Variants in CSRP1 observed in about 807,000 individuals in gnomAD.
CSRP1 encodes cysteine and glycine-rich protein 1.
In CSRP1, 16 loss-of-function variants were observed where a neutral mutation model predicts 25.4. That is an observed-to-expected ratio of 0.63 (90% confidence interval 0.43 to 0.96). CSRP1 has a LOEUF of 0.96. Ranked by LOEUF, CSRP1 falls within the 40% of genes least tolerant of loss-of-function variation. The probability of loss-of-function intolerance (pLI) is 0.00; values close to 1 mark genes in which losing one functional copy is unlikely to be tolerated. For missense variants in CSRP1, 212 were observed against 243.6 expected (o/e 0.87, Z 0.86); for synonymous variants, 97 against 95.3 (o/e 1.02, Z -0.10).
intron 1 of CSRP1, among the ~76,000 whole-genome samples, chr1:201,502,028 T>TAAATAA (rs1553232871): frequency 7.2e-6 from 1 of 139,842 alleles, no homozygotes; most frequent in East Asian, 2.0e-4. Context: ...AATAAATAAA[T>TAAATAA]AAAGTCTGGC....
At chr1:201,502,575 A>C (rs866575133) in intron 1 of CSRP1, among the ~76,000 whole-genome samples, 1 of 152,118 alleles carries the variant, frequency 6.6e-6, no homozygotes, top group Non-Finnish European at 1.5e-5. Flanking sequence ...GTCCCACCTC[A>C]TGTTTCCTTC....
At chr1:201,485,230 C>A (rs376466470) in intron 5 of CSRP1, 53 bp downstream of exon 5, 8 of 1,520,774 alleles carry the variant, frequency 5.3e-6, no homozygotes, top group African/African-American at 1.4e-5. Flanking sequence ...AACTACTTAG[C>A]CCCCCTACCC....
At chr1:201,492,270 C>T (rs1664360877) in intron 2 of CSRP1, 1 of 152,298 alleles carries the variant, frequency 6.6e-6, no homozygotes, top group African/African-American at 2.4e-5. Flanking sequence ...CAGGGCAGAC[C>T]TCAGGGCCTG....
At chr1:201,489,630 C>T (rs932691087) in intron 3 of CSRP1, 6 of 155,446 alleles carry the variant, frequency 3.9e-5, no homozygotes, top group African/African-American at 1.4e-4. Flanking sequence ...AGCCGTGGGA[C>T]CCCAGGCAAG....
chr1:201,491,275 A>AAAAT (rs1303971001), intron 2 of CSRP1: 3 of 152,292 alleles, frequency 2.0e-5, no homozygotes, highest in Admixed American at 6.5e-5. Context: ...TATTTATTTA[A>AAAAT]AAATAAATAA....
At position 201,484,301 on chromosome 1, in the gene CSRP1, C is replaced by T. The variant is rs1389964425; in HGVS notation, c.*412G>A. 3 of 512,560 alleles carry T rather than the reference C, an allele frequency of 5.9e-6. No homozygotes were observed. The South Asian group carries it at 1.0e-4, about 18-fold the overall frequency. The allele number at this position is 512,560 out of a possible 1,614,324, so 31.8% of individuals were successfully genotyped here. ...CCAAAAAACCCAGCCTTCCCCCCTC[C>T]TCATCTTGGTCTTGCTTCCCTCTCC... On this transcript the variant is annotated 3_prime_UTR_variant, in exon 6 of 6. Coordinates refer to ENST00000340006, the MANE Select transcript of CSRP1 (RefSeq NM_004078.3).
chr1:201,501,215 G>A (rs913681872), intron 1 of CSRP1, among the ~76,000 whole-genome samples: 16 of 152,196 alleles, frequency 1.1e-4, no homozygotes, highest in African/African-American at 3.9e-4. Context: ...GTCATACGTC[G>A]ACTCCACACT....
chr1:201,488,636 G>C, intron 4 of CSRP1: 1 of 443,822 alleles, frequency 2.3e-6, no homozygotes, highest in Non-Finnish European at 4.1e-6. Context: ...ATTGCCCATT[G>C]TCCATCAATG....
chr1:201,485,632 A>C (rs1327257655), intron 4 of CSRP1: 3 of 489,478 alleles, frequency 6.1e-6, no homozygotes, highest in Non-Finnish European at 1.1e-5. Flanking sequence ...GCTATACCAC[A>C]AAAGGCAGGT....
chr1:201,503,436 C>CA (rs1001677638), intron 1 of CSRP1, among the ~76,000 whole-genome samples: 5 of 152,184 alleles, frequency 3.3e-5, no homozygotes, highest in African/African-American at 1.2e-4. Flanking sequence ...GAAGCACCAA[C>CA]ACACGCCACC....
intron 1 of CSRP1, among the ~76,000 whole-genome samples, chr1:201,500,887 C>T (rs1019175721): frequency 1.3e-5 from 2 of 152,224 alleles, no homozygotes; most frequent in African/African-American, 4.8e-5. Context: ...TTCTTAATTG[C>T]CTTCCCAGCT....
At position 201,485,296 on chromosome 1, in the gene CSRP1, C is replaced by T. The variant is rs763448371; in HGVS notation, c.492G>A (p.Glu164=). The part of the protein sequence containing the change: ...ESTTLADKDG[E]IYCKGCYAKN... ...GAAAACACCCACCTTTGCAGTAAATCTCGCCATCCTTGTCTGCCAGGGTGG... is the reference window on the plus strand; with the variant it reads ...GAAAACACCCACCTTTGCAGTAAATTTCGCCATCCTTGTCTGCCAGGGTGG... The change falls in exon 5 of 6, where the codon GAG becomes GAA. Residue 164 remains glutamate, a synonymous_variant. Transcript: ENST00000340006. 6.2e-7 allele frequency: 1 copy of T among 1,614,160 alleles called. No homozygotes were observed. The highest frequency in any genetic ancestry group is 2.2e-5 in the East Asian group (1 of 44,884).
At chr1:201,487,156 A>G (rs995218548) in intron 4 of CSRP1, 9 of 420,562 alleles carry the variant, frequency 2.1e-5, no homozygotes, top group African/African-American at 1.7e-4. Context: ...TCACACCTGT[A>G]ATCCCAGCAC....
Position 201,498,595 on chromosome 1 carries a change from T to C in CSRP1, c.-1-2291A>G, listed in dbSNP as rs142466333. ...CAGAGGGAGATACAGTCTCCATTAC[T>C]GGAGAGCTCCCATTTGAGGGTGACA... On this transcript the variant is annotated intron_variant, in intron 1 of 5. Transcript: ENST00000340006. Among the ~76,000 whole-genome samples, 564 of 152,316 alleles carry C rather than the reference T, an allele frequency of 3.7e-3. 11 individuals are homozygous for C. The South Asian group carries it at 0.065, about 18-fold the overall frequency.
intron 2 of CSRP1, 137 bp downstream of exon 2, chr1:201,496,055 A>C: frequency 1.5e-6 from 1 of 673,486 alleles, no homozygotes; most frequent in Non-Finnish European, 2.6e-6. Context: ...TTCCCTGCCC[A>C]GCTGCGCTTC....
intron 4 of CSRP1, 34 bp downstream of exon 4, chr1:201,488,821 C>T (rs770678947): frequency 1.9e-6 from 3 of 1,607,696 alleles, no homozygotes; most frequent in Non-Finnish European, 2.6e-6. Flanking sequence ...AAGATATCTC[C>T]CCCCATCCCT....
Position 201,498,353 on chromosome 1 carries a change from G to A in CSRP1, c.-1-2049C>T, listed in dbSNP as rs1306237886. Among the ~76,000 whole-genome samples, 10 of 152,346 alleles carry A rather than the reference G, an allele frequency of 6.6e-5. 1 individual carries two copies. In the South Asian group the frequency reaches 1.2e-3, roughly 19 times the overall value. On this transcript the variant is annotated intron_variant, in intron 1 of 5. Transcript: ENST00000340006. ...AGTGGGTACAGGCTTGGTGCCGGGG[G>A]TTGCCCAGGACTTGGTGAGTAAAGG...
chr1:201,496,145 G>T (rs189276150), intron 2 of CSRP1, 47 bp downstream of exon 2: 37 of 1,480,406 alleles, frequency 2.5e-5, no homozygotes, highest in Non-Finnish European at 3.3e-5. Flanking sequence ...GGGCAGGCCC[G>T]TCCAGGGTGT....
At chr1:201,489,267 G>A in intron 3 of CSRP1, 1 of 276,556 alleles carries the variant, frequency 3.6e-6, no homozygotes, top group South Asian at 5.5e-5. Context: ...GCCCTCCTCT[G>A]CCCCTCATTC....
Sources: gnomAD v4.1 joint callset for allele counts (sites outside exome capture counted in the v4.1 genomes callset) on GRCh38, gnomAD v4.1.1 for gene constraint, MANE v1.5 for transcripts, NCBI Gene and HGNC (gene_info 2026-07-23, HGNC 2026-07-21) for gene names.